Variants in WWOX observed in about 807,000 individuals in gnomAD.
The protein encoded by WWOX is WW domain containing oxidoreductase.
Under a neutral mutation model 46.2 loss-of-function variants are expected in WWOX, and 69 were observed. The ratio of observed to expected loss-of-function variants is 1.49; its 90% CI spans 1.23 to 1.82. WWOX has a LOEUF of 1.82. WWOX is among the 40% of genes most tolerant of loss of function. The pLI is 0.00. For synonymous variants in WWOX, 359 were observed against 202.6 expected (o/e 1.77, Z -6.56); for missense variants, 919 against 542.6 (o/e 1.69, Z -6.89).
chr16:78,723,010 C>G (rs541267278), intron 8 of WWOX, among the ~76,000 whole-genome samples: 2 of 152,160 alleles, frequency 1.3e-5, no homozygotes, highest in African/African-American at 2.4e-5. Flanking sequence ...CTGGAGCACT[C>G]CAGCCTGGGT....
intron 5 of WWOX, among the ~76,000 whole-genome samples, chr16:78,361,098 C>G (rs1203661767): frequency 1.3e-5 from 2 of 152,176 alleles, no homozygotes; most frequent in Admixed American, 6.5e-5. Flanking sequence ...GCTGGGATTA[C>G]AGGCATGAGC....
rs945941961 is a variant in WWOX, at chr16:78,257,126, C to G, written c.516+92837C>G. On this transcript the variant is annotated intron_variant, in intron 5 of 8. Coordinates refer to ENST00000566780, the MANE Select transcript of WWOX (RefSeq NM_016373.4). ...CTCGTGGCGTGGGGTCTTCATCTGGCTACTAGATTGTTTAAAGAAGGATTT... is the reference window on the plus strand; with the variant it reads ...CTCGTGGCGTGGGGTCTTCATCTGGGTACTAGATTGTTTAAAGAAGGATTT... 4.6e-5 allele frequency among the ~76,000 whole-genome samples: 7 copies of G among 152,064 alleles called. No individual in the cohort carries two copies. In the East Asian group the frequency reaches 1.4e-3, roughly 29 times the overall value.
At chr16:78,272,391 T>G (rs891700878) in intron 5 of WWOX, among the ~76,000 whole-genome samples, 3 of 152,200 alleles carry the variant, frequency 2.0e-5, no homozygotes, top group African/African-American at 7.2e-5. Context: ...ACATGGTGGC[T>G]CAGGGCTCCC....
intron 8 of WWOX, among the ~76,000 whole-genome samples, chr16:78,751,765 G>A (rs1040605454): frequency 9.3e-5 from 14 of 151,196 alleles, no homozygotes; most frequent in South Asian, 2.1e-4. Context: ...GAAGGAGGAA[G>A]GGAAGAAGGA....
chr16:78,546,611 T>C (rs2044038720), intron 8 of WWOX, among the ~76,000 whole-genome samples: 2 of 152,192 alleles, frequency 1.3e-5, no homozygotes, highest in African/African-American at 4.8e-5. Flanking sequence ...TAGGAACTTA[T>C]TTTTAAAATA....
intron 5 of WWOX, among the ~76,000 whole-genome samples, chr16:78,377,341 G>C (rs1422289677): frequency 2.0e-5 from 3 of 152,152 alleles, no homozygotes; most frequent in Non-Finnish European, 4.4e-5. Flanking sequence ...TTTATCATAT[G>C]AATTTACCTT....
chr16:78,878,252 G>T (rs184800584), intron 8 of WWOX, among the ~76,000 whole-genome samples: 77 of 152,270 alleles, frequency 5.1e-4, no homozygotes, highest in African/African-American at 1.7e-3. Context: ...GCAGATGACT[G>T]AGCTTGTCTG....
rs141125589 is a variant in WWOX at position 78,863,448 on chromosome 16, C to T, written c.1057-348160C>T. 5.5e-3 allele frequency among the ~76,000 whole-genome samples: 844 copies of T among 152,224 alleles called. 2 individuals carry two copies. Among genetic ancestry groups the T allele is most frequent in the Non-Finnish European group, 9.6e-3 (650 of 68,018 alleles). On this transcript the variant is annotated intron_variant, in intron 8 of 8. Transcript: ENST00000566780. ...ATGCAGCATTATATTCCATTTGTAC[C>T]TGGGAAGAGGGTACTTGTCTTTCAT...
chr16:78,628,387 T>C (rs978577804), intron 8 of WWOX, among the ~76,000 whole-genome samples: 1 of 152,168 alleles, frequency 6.6e-6, no homozygotes, highest in African/African-American at 2.4e-5. Context: ...CGTGTGGCCA[T>C]TCTGATTTAC....
intron 8 of WWOX, among the ~76,000 whole-genome samples, chr16:78,557,089 T>C (rs2044316221): frequency 6.6e-6 from 1 of 152,084 alleles, no homozygotes; most frequent in Non-Finnish European, 1.5e-5. Context: ...GAAGCAGAGA[T>C]GAAAATGTGG....
At chr16:78,977,446 G>C (rs12447638) in intron 8 of WWOX, among the ~76,000 whole-genome samples, 48,290 of 152,092 alleles carry the variant, frequency 0.32, 8,974 homozygotes, top group Admixed American at 0.42. Flanking sequence ...GCACACACCA[G>C]AAGCTATAAG....
intron 8 of WWOX, among the ~76,000 whole-genome samples, chr16:78,994,748 G>C (rs1567468318): frequency 6.6e-6 from 1 of 150,460 alleles, no homozygotes; most frequent in East Asian, 2.0e-4. Context: ...GCAGGGAAAC[G>C]AAGGCAGAGA....
At chr16:79,200,498 T>A (rs448302) in intron 8 of WWOX, among the ~76,000 whole-genome samples, 64,926 of 152,064 alleles carry the variant, frequency 0.43, 17,202 homozygotes, top group Non-Finnish European at 0.6. Flanking sequence ...CTTCACCTCC[T>A]TTAGCCTCTG....
At chr16:78,624,575 T>C (rs539850566) in intron 8 of WWOX, among the ~76,000 whole-genome samples, 6 of 152,234 alleles carry the variant, frequency 3.9e-5, no homozygotes, top group Non-Finnish European at 7.3e-5. Context: ...ACTAATCTAA[T>C]AGCATACTGA....
intron 8 of WWOX, among the ~76,000 whole-genome samples, chr16:79,021,836 A>C (rs146628303): frequency 6.6e-6 from 1 of 152,224 alleles, no homozygotes; most frequent in African/African-American, 2.4e-5. Flanking sequence ...AGCTTGTTCA[A>C]TCACACATAC....
At chr16:78,479,292 G>C (rs543109937) in intron 8 of WWOX, among the ~76,000 whole-genome samples, 36 of 152,282 alleles carry the variant, frequency 2.4e-4, no homozygotes, top group African/African-American at 7.5e-4. Context: ...TATCAGTCAA[G>C]CCTTCCAGGA....
chr16:78,309,380 T>G (rs1419206195), intron 5 of WWOX, among the ~76,000 whole-genome samples: 2 of 152,196 alleles, frequency 1.3e-5, no homozygotes, highest in African/African-American at 2.4e-5. Context: ...TGTGAGTAAA[T>G]TAAACATCTT....
chr16:78,917,514 C>G (rs1338145968), intron 8 of WWOX, among the ~76,000 whole-genome samples: 1 of 151,964 alleles, frequency 6.6e-6, no homozygotes, highest in Non-Finnish European at 1.5e-5. Flanking sequence ...TTCAAGACTT[C>G]ATGAAGTCAA....
intron 8 of WWOX, among the ~76,000 whole-genome samples, chr16:78,947,374 T>TCC (rs11371029): frequency 8.0e-4 from 121 of 151,476 alleles, no homozygotes; most frequent in Middle Eastern, 3.4e-3. Context: ...ATTTTTCTCT[T>TCC]CCCCCCCTTA....
Sources: allele counts gnomAD v4.1 joint callset (sites outside exome capture counted in the v4.1 genomes callset), GRCh38; gene constraint gnomAD v4.1.1; transcripts MANE v1.5; gene names NCBI Gene and HGNC (gene_info 2026-07-23, HGNC 2026-07-21).